The following ROBO1 variants were observed in gnomAD, a reference collection of about 807,000 sequenced individuals.
ROBO1 encodes roundabout homolog 1.
ROBO1 carries 149 observed loss-of-function variants against 195.9 expected under a neutral mutation model. The observed-to-expected ratio is 0.76, with a 90% CI of 0.67 to 0.87. The LOEUF (loss-of-function observed/expected upper bound fraction) is 0.87, where lower values mean the gene tolerates loss of function less well. ROBO1 is among the 40% of genes least tolerant of loss of function. The pLI is 0.00. For synonymous variants in ROBO1, 816 were observed against 733.2 expected, an observed-to-expected ratio of 1.11 and a Z score of -1.82; for missense variants, 1,933 against 2,068.3, an observed-to-expected ratio of 0.93 and a Z score of 1.27.
chr3:79,328,690 A>G (rs1479134822), intron 2 of ROBO1, among the ~76,000 whole-genome samples: 1 of 152,004 alleles, frequency 6.6e-6, no homozygotes, highest in East Asian at 1.9e-4. Flanking sequence ...TAAGTTCTTT[A>G]GTGGTAATTT....
chr3:79,444,271 A>G (rs1182372332), intron 2 of ROBO1, among the ~76,000 whole-genome samples: 1 of 152,118 alleles, frequency 6.6e-6, no homozygotes, highest in Non-Finnish European at 1.5e-5. Context: ...AGAACTCCCA[A>G]TGTAAAAGAA....
chr3:79,027,972 A>G (rs1306344997), intron 3 of ROBO1, among the ~76,000 whole-genome samples: 1 of 152,060 alleles, frequency 6.6e-6, no homozygotes, highest in East Asian at 1.9e-4. Flanking sequence ...TTATACGAAG[A>G]TTTCTAAATA....
intron 4 of ROBO1, chr3:78,938,033 AT>A: frequency 1.9e-5 from 2 of 106,118 alleles, no homozygotes; most frequent in South Asian, 3.2e-4. Context: ...GTGTGTGTGT[AT>A]TTTTTGGCTA....
intron 2 of ROBO1, among the ~76,000 whole-genome samples, chr3:79,520,172 A>G (rs566979213): frequency 3.3e-4 from 49 of 149,398 alleles, no homozygotes; most frequent in Admixed American, 5.3e-4. Context: ...AAAAAAAAAA[A>G]AGAGAGAGAG....
At chr3:78,615,457 G>A (rs1262009035) in intron 27 of ROBO1, among the ~76,000 whole-genome samples, 1 of 152,170 alleles carries the variant, frequency 6.6e-6, no homozygotes, top group Non-Finnish European at 1.5e-5. Flanking sequence ...GGAAGAGGTA[G>A]ATGTTTGGTT....
At chr3:79,495,960 A>G (rs1304619613) in intron 2 of ROBO1, among the ~76,000 whole-genome samples, 1 of 152,024 alleles carries the variant, frequency 6.6e-6, no homozygotes, top group Non-Finnish European at 1.5e-5. Context: ...CACCTGTAAT[A>G]CCAGCACTTT....
chr3:79,666,756 A>G (rs1378173994), intron 1 of ROBO1, among the ~76,000 whole-genome samples: 3 of 151,942 alleles, frequency 2.0e-5, no homozygotes, highest in South Asian at 2.1e-4. Flanking sequence ...ATTCTTGGGT[A>G]TGTCTTTATC....
At chr3:78,945,373 T>G (rs1399685703) in intron 3 of ROBO1, among the ~76,000 whole-genome samples, 2 of 152,142 alleles carry the variant, frequency 1.3e-5, no homozygotes, top group African/African-American at 4.8e-5. Flanking sequence ...ATATATGCTG[T>G]TCTGCAGACA....
intron 3 of ROBO1, among the ~76,000 whole-genome samples, chr3:78,945,241 C>A (rs1047702161): frequency 1.3e-5 from 2 of 152,302 alleles, no homozygotes; most frequent in Middle Eastern, 6.8e-3. Flanking sequence ...TCCCTGACCC[C>A]CGAGTAGCCT....
intron 4 of ROBO1, among the ~76,000 whole-genome samples, chr3:78,848,492 G>A (rs1335157078): frequency 6.6e-6 from 1 of 152,106 alleles, no homozygotes; most frequent in Admixed American, 6.6e-5. Context: ...ATACAATGAG[G>A]TGCAGGTTGC....
At chr3:79,618,896 C>T (rs936156603) in intron 1 of ROBO1, among the ~76,000 whole-genome samples, 1 of 152,178 alleles carries the variant, frequency 6.6e-6, no homozygotes, top group Non-Finnish European at 1.5e-5. Context: ...TATTTTTCCT[C>T]TCTGGAAGAG....
rs1330194537 is a variant in ROBO1, at chr3:79,251,568, C to T, written c.89-126029G>A. Among the ~76,000 whole-genome samples, 3 of 152,096 alleles carry T rather than the reference C, an allele frequency of 2.0e-5. No homozygotes were observed. The East Asian group carries it at 5.8e-4, about 30-fold the overall frequency. ...GAGATTCAGACCATCCTGGCTAACA[C>T]AGTGAAACCCCATCTCTACTAAAAA... On this transcript the variant is annotated intron_variant, in intron 2 of 30. Transcript: ENST00000464233.
intron 3 of ROBO1, among the ~76,000 whole-genome samples, chr3:79,084,447 G>A (rs749976157): frequency 2.0e-5 from 3 of 152,162 alleles, no homozygotes; most frequent in Non-Finnish European, 2.9e-5. Flanking sequence ...GCAGTGAGCC[G>A]AGATCGCCCA....
At chr3:79,194,364 A>G (rs1222119701) in intron 2 of ROBO1, among the ~76,000 whole-genome samples, 1 of 151,646 alleles carries the variant, frequency 6.6e-6, no homozygotes, top group Non-Finnish European at 1.5e-5. Context: ...GTCACGCAAA[A>G]AAGTCATTTT....
At chr3:79,685,408 C>A (rs963462218) in intron 1 of ROBO1, among the ~76,000 whole-genome samples, 1 of 152,110 alleles carries the variant, frequency 6.6e-6, no homozygotes, top group African/African-American at 2.4e-5. Context: ...TTTTAAAGGC[C>A]TTTATGGACA....
chr3:79,136,326 T>C (rs1261478054), intron 2 of ROBO1, among the ~76,000 whole-genome samples: 7 of 152,174 alleles, frequency 4.6e-5, no homozygotes, highest in Admixed American at 2.6e-4. Context: ...TATTCAGTTA[T>C]GTATAATAAA....
Position 78,600,171 on chromosome 3 carries a change from G to A in ROBO1, c.4883C>T (p.Ala1628Val). ...EQANVGRRNI[A>V]EMQVLGGYER... ...ATATCCTCCAAGTACCTGCATTTCTGCAATATTTCTTCGACCTACATTTGC... is the reference window on the plus strand; with the variant it reads ...ATATCCTCCAAGTACCTGCATTTCTACAATATTTCTTCGACCTACATTTGC... Residue 1628 changes from alanine (A) to valine (V), a missense_variant, in exon 30 of 31, where the codon GCA becomes GTA. Coordinates refer to ENST00000464233, the MANE Select transcript of ROBO1 (RefSeq NM_002941.4). 1 of 1,613,364 alleles carries A rather than the reference G, an allele frequency of 6.2e-7. No individual in the cohort carries two copies. Among genetic ancestry groups the A allele is most frequent in the Non-Finnish European group, 8.5e-7 (1 of 1,179,536 alleles).
intron 3 of ROBO1, among the ~76,000 whole-genome samples, chr3:79,063,693 G>A (rs569159448): frequency 4.6e-5 from 7 of 151,904 alleles, no homozygotes; most frequent in South Asian, 2.1e-4. Context: ...TCAGCATGCC[G>A]CAGCTCCAGA....
intron 2 of ROBO1, among the ~76,000 whole-genome samples, chr3:79,481,146 G>A (rs1447560956): frequency 6.6e-6 from 1 of 152,036 alleles, no homozygotes; most frequent in East Asian, 1.9e-4. Context: ...TCCATCTATA[G>A]AAAGAAATCG....
Sources: allele counts gnomAD v4.1 joint callset (sites outside exome capture counted in the v4.1 genomes callset), GRCh38; gene constraint gnomAD v4.1.1; transcripts MANE v1.5; gene names NCBI Gene and HGNC (gene_info 2026-07-23, HGNC 2026-07-21).